Variants in CHST12 observed in about 807,000 individuals in gnomAD.
The protein encoded by CHST12 is carbohydrate sulfotransferase 12, also known as carbohydrate (chondroitin 4) sulfotransferase 12.
In CHST12, 23 loss-of-function variants were observed where a neutral mutation model predicts 27.9. The observed-to-expected ratio is 0.82, with a 90% CI of 0.59 to 1.17. The LOEUF is 1.17. Among genes scored for constraint, CHST12 ranks in the 50% most tolerant of loss-of-function variants. CHST12 has a pLI of 0.00. For missense variants in CHST12, 682 were observed against 603.0 expected, an observed-to-expected ratio of 1.13 and a Z score of -1.37; for synonymous variants, 322 against 273.0, an observed-to-expected ratio of 1.18 and a Z score of -1.77.
intron 1 of CHST12, among the ~76,000 whole-genome samples, chr7:2,431,142 G>A (rs967673837): frequency 2.6e-4 from 39 of 152,112 alleles, no homozygotes; most frequent in African/African-American, 8.0e-4. Flanking sequence ...TAGCTCTATC[G>A]ATTTTTGCTT....
intron 1 of CHST12, among the ~76,000 whole-genome samples, chr7:2,407,482 C>A (rs1207240850): frequency 3.3e-5 from 5 of 151,908 alleles, no homozygotes; most frequent in Admixed American, 6.6e-5. Context: ...TAAAAAGTTT[C>A]CAGAAGAAAA....
rs1411171675 is a variant in CHST12 at position 2,446,929 on chromosome 7, G to A, written c.*13045G>A. The A allele has an allele frequency of 6.6e-6, 1 of 152,302 alleles. No individual in the cohort carries two copies. The highest frequency in any genetic ancestry group is 1.5e-5 in the Non-Finnish European group (1 of 68,104). The allele number at this position is 152,302 out of a possible 1,614,324, so 9.4% of individuals were successfully genotyped here. On this transcript the variant is annotated 3_prime_UTR_variant, in exon 2 of 2. Coordinates refer to ENST00000618655, the MANE Select transcript of CHST12 (RefSeq NM_018641.5). ...AAACACTGCCCAGCCACTGGGTCCA[G>A]TAAGACAGAGCCTCGAGTCATTCTG...
In CHST12 at chr7:2,441,030, T is replaced by C. The variant is rs1782591382; in HGVS notation, c.*7146T>C. The C allele has an allele frequency of 6.6e-6, 1 of 152,182 alleles. No homozygotes were observed. Among genetic ancestry groups the C allele is most frequent in the East Asian group, 1.9e-4 (1 of 5,190 alleles). The allele number at this position is 152,182 out of a possible 1,614,324, so 9.4% of individuals were successfully genotyped here. On this transcript the variant is annotated 3_prime_UTR_variant, in exon 2 of 2. Coordinates refer to ENST00000618655, the MANE Select transcript of CHST12 (RefSeq NM_018641.5). ...AGGCTGTGGGGCAATGTTCTGCTTATAATGTTTCAAGAGGTTCAAAGCGTG... is the reference window on the plus strand; with the variant it reads ...AGGCTGTGGGGCAATGTTCTGCTTACAATGTTTCAAGAGGTTCAAAGCGTG...
At position 2,432,928 on chromosome 7, in the gene CHST12, A is replaced by G. The variant is rs1191965837; in HGVS notation, c.289A>G (p.Met97Val). ...ETEQPPAPGS[M>V]EESVRGYDWS... Reference sequence around the variant, plus strand: ...GGAGCAGCCGCCTGCGCCGGGGAGCATGGAGGAGAGCGTGAGAGGCTACGA... The same window carrying G: ...GGAGCAGCCGCCTGCGCCGGGGAGCGTGGAGGAGAGCGTGAGAGGCTACGA... The change falls in exon 2 of 2, where the codon ATG (methionine) becomes GTG (valine). Residue 97 changes from methionine to valine, a missense_variant. Met to Val is a conservative substitution (Grantham distance 21). Coordinates refer to ENST00000618655, the MANE Select transcript of CHST12 (RefSeq NM_018641.5). 1.9e-6 allele frequency: 3 copies of G among 1,612,704 alleles called. No individual in the cohort carries two copies. Among genetic ancestry groups the G allele is most frequent in the East Asian group, 2.2e-5 (1 of 44,870 alleles).
rs1021953384 is a variant in CHST12, at chr7:2,434,124, G to A, written c.*240G>A. The A allele has an allele frequency of 6.3e-6, 2 of 316,052 alleles. No individual in the cohort carries two copies. Among genetic ancestry groups the A allele is most frequent in the South Asian group, 6.1e-5 (1 of 16,382 alleles). 19.6% of individuals were successfully genotyped at this position (316,052 alleles called of 1,614,324 possible). On this transcript the variant is annotated 3_prime_UTR_variant, in exon 2 of 2. Transcript: ENST00000618655. ...CCTCCGCCCGCCCACCCGCCCGCCC[G>A]CTCGCCCGCTCGCCCGCTCCTGTGG...
chr7:2,443,229 G>A lies in CHST12; in HGVS notation c.*9345G>A, dbSNP rs1221796262. ...CCATTCTTGTGCCTCAGCTTCCCGA[G>A]TAGGTGGAATTATAGGCGTGTGCCA... On this transcript the variant is annotated 3_prime_UTR_variant, in exon 2 of 2. Transcript: ENST00000618655. 6.6e-6 allele frequency: 1 copy of A among 152,204 alleles called. No individual in the cohort carries two copies. The highest frequency in any genetic ancestry group is 2.4e-5 in the African/African-American group (1 of 41,438). The allele number at this position is 152,204 out of a possible 1,614,324, so 9.4% of individuals were successfully genotyped here. A position where few individuals can be genotyped will look rare whatever the true frequency, so the allele number is the denominator to read the frequency against.
At chr7:2,418,678 C>T (rs1180457193) in intron 1 of CHST12, among the ~76,000 whole-genome samples, 1 of 152,214 alleles carries the variant, frequency 6.6e-6, no homozygotes, top group Admixed American at 6.5e-5. Context: ...CGGACCCTTC[C>T]CTGAATGCTT....
rs1782513755 is a variant in CHST12 at position 2,437,999 on chromosome 7, GAC to G, written c.*4118_*4119del. 6.6e-6 allele frequency: 1 copy of G among 152,310 alleles called. No individual in the cohort carries two copies. The highest frequency in any genetic ancestry group is 2.1e-4 in the South Asian group (1 of 4,834). The allele number at this position is 152,310 out of a possible 1,614,324, so 9.4% of individuals were successfully genotyped here. On this transcript the variant is annotated 3_prime_UTR_variant, in exon 2 of 2. Coordinates refer to ENST00000618655, the MANE Select transcript of CHST12 (RefSeq NM_018641.5). ...AGCCCTCGTCCCTGTGAGGGACAGT[GAC>G]ACGGATGGGAGCAGCCATCTGAGCT...
chr7:2,413,723 CTTTTTTTTTTTTTT>C (rs1198072520), intron 1 of CHST12, among the ~76,000 whole-genome samples: 1 of 104,104 alleles, frequency 9.6e-6, no homozygotes, highest in African/African-American at 3.8e-5. Flanking sequence ...CAGGTTTTAG[CTTTTTTTTTTTTTT>C]TTTTTTTTTG....
At chr7:2,431,840 T>C (rs1782276715) in intron 1 of CHST12, among the ~76,000 whole-genome samples, 1 of 152,086 alleles carries the variant, frequency 6.6e-6, no homozygotes, top group South Asian at 2.1e-4. Context: ...ACAATTTTCC[T>C]GTTGTTGGGT....
chr7:2,418,512 CAG>C (rs1483951997), intron 1 of CHST12, among the ~76,000 whole-genome samples: 6 of 152,352 alleles, frequency 3.9e-5, no homozygotes, highest in East Asian at 1.9e-4. Context: ...CTTCAAATCA[CAG>C]GGGGCTTTTT....
intron 1 of CHST12, among the ~76,000 whole-genome samples, chr7:2,427,331 T>G (rs1294237660): frequency 6.6e-6 from 1 of 151,974 alleles, no homozygotes; most frequent in Non-Finnish European, 1.5e-5. Context: ...AGACCACAAC[T>G]CTATAAAAAA....
chr7:2,418,868 C>T (rs1383116804), intron 1 of CHST12, among the ~76,000 whole-genome samples: 6 of 152,216 alleles, frequency 3.9e-5, no homozygotes, highest in Admixed American at 3.3e-4. Context: ...ACAATCATAG[C>T]TTACTGCAGC....
intron 1 of CHST12, among the ~76,000 whole-genome samples, chr7:2,411,032 A>T (rs115618055): frequency 6.6e-6 from 1 of 152,040 alleles, no homozygotes; most frequent in Admixed American, 6.6e-5. Context: ...GGACTTGACA[A>T]GTTAGAGCCT....
intron 1 of CHST12, among the ~76,000 whole-genome samples, chr7:2,415,396 A>G (rs1373710439): frequency 6.6e-6 from 1 of 152,004 alleles, no homozygotes; most frequent in Non-Finnish European, 1.5e-5. Flanking sequence ...TGTTTACACT[A>G]TACTGTAGTC....
intron 1 of CHST12, among the ~76,000 whole-genome samples, chr7:2,431,252 T>C (rs1186496647): frequency 6.6e-6 from 1 of 152,250 alleles, no homozygotes; most frequent in Non-Finnish European, 1.5e-5. Flanking sequence ...TCCTTTTGTC[T>C]CTAGTAGTTT....
intron 1 of CHST12, among the ~76,000 whole-genome samples, chr7:2,407,045 AAAAAT>A (rs1477574339): frequency 6.6e-6 from 1 of 150,446 alleles, no homozygotes; most frequent in African/African-American, 2.5e-5. Context: ...TGTAAAAAAA[AAAAAT>A]AAAAGCAGAA....
intron 1 of CHST12, 70 bp from the exon 2 acceptor site, chr7:2,432,493 C>T (rs1360928665): frequency 1.1e-6 from 1 of 945,604 alleles, no homozygotes; most frequent in Non-Finnish European, 1.5e-6. Flanking sequence ...CAGTCCCCCA[C>T]TGATCAGAAG....
At position 2,403,636 on chromosome 7, in the gene CHST12, C is replaced by CGGGCGCGAGGCGAG. The variant is rs1562505786; in HGVS notation, c.-105_-104insCGAGGGGCGCGAGG. 1 of 142,938 alleles carries CGGGCGCGAGGCGAG rather than the reference C, an allele frequency of 7.0e-6. No homozygotes were observed. The highest frequency in any genetic ancestry group is 1.5e-5 in the Non-Finnish European group (1 of 65,204). 8.9% of individuals were successfully genotyped at this position (142,938 alleles called of 1,614,324 possible). A position where few individuals can be genotyped will look rare whatever the true frequency, so the allele number is the denominator to read the frequency against. On this transcript the variant is annotated 5_prime_UTR_variant, in exon 1 of 2. Transcript: ENST00000618655. ...AGTCGCGGGGCGGCGGCGGCGGCTG[C>CGGGCGCGAGGCGAG]GGGCGCGAGGTGAGGGGCGCGAGGT...
Sources: allele counts gnomAD v4.1 joint callset (sites outside exome capture counted in the v4.1 genomes callset), GRCh38; gene constraint gnomAD v4.1.1; transcripts MANE v1.5; gene names NCBI Gene and HGNC (gene_info 2026-07-23, HGNC 2026-07-21).